The following MINDY3 variants were observed in gnomAD, a reference collection of about 807,000 sequenced individuals.
MINDY3 encodes the protein ubiquitin carboxyl-terminal hydrolase MINDY-3.
MINDY3 carries 38 observed loss-of-function variants against 69.2 expected under a neutral mutation model. The ratio of observed to expected loss-of-function variants is 0.55; its 90% CI spans 0.42 to 0.72. MINDY3 has a LOEUF of 0.72. Ranked by LOEUF, MINDY3 falls within the 30% of genes least tolerant of loss-of-function variation. The probability of loss-of-function intolerance (pLI) is 0.00; values close to 1 mark genes in which losing one functional copy is unlikely to be tolerated. For missense variants in MINDY3, 522 were observed against 519.0 expected (o/e 1.01, Z -0.06); for synonymous variants, 192 against 180.1 (o/e 1.07, Z -0.53).
At chr10:15,798,778 T>G (rs529581508) in intron 10 of MINDY3, among the ~76,000 whole-genome samples, 1 of 119,802 alleles carries the variant, frequency 8.3e-6, no homozygotes, top group Admixed American at 7.8e-5. Context: ...AGACTCTGTC[T>G]CAAAAACAAA....
At chr10:15,857,830 GATCA>G (rs1473217418) in intron 1 of MINDY3, 120 of 514,800 alleles carry the variant, frequency 2.3e-4, no homozygotes, top group Non-Finnish European at 2.7e-4. Flanking sequence ...AATTTAACTT[GATCA>G]ATCAATATAA....
intron 6 of MINDY3, among the ~76,000 whole-genome samples, chr10:15,836,327 T>C (rs1052840053): frequency 1.3e-5 from 2 of 151,968 alleles, no homozygotes; most frequent in Admixed American, 6.6e-5. Flanking sequence ...CTAGAAACAG[T>C]ATGCCCTTGA....
chr10:15,841,067 C>A (rs1833433485), intron 4 of MINDY3, among the ~76,000 whole-genome samples: 1 of 151,162 alleles, frequency 6.6e-6, no homozygotes, highest in African/African-American at 2.4e-5. Flanking sequence ...CTTCTGATGT[C>A]CAAAAAAATC....
intron 10 of MINDY3, among the ~76,000 whole-genome samples, chr10:15,805,372 A>C (rs1209391980): frequency 6.6e-6 from 1 of 152,160 alleles, no homozygotes; most frequent in Non-Finnish European, 1.5e-5. Flanking sequence ...TTAATGTTAC[A>C]TTTTAAAAGG....
intron 9 of MINDY3, among the ~76,000 whole-genome samples, chr10:15,821,073 A>C (rs1839724977): frequency 6.6e-6 from 1 of 152,208 alleles, no homozygotes; most frequent in South Asian, 2.1e-4. Context: ...TACCCATTTC[A>C]GGTTGTTTCA....
chr10:15,787,274 G>C (rs35802848), intron 12 of MINDY3, among the ~76,000 whole-genome samples: 2 of 152,126 alleles, frequency 1.3e-5, no homozygotes, highest in Admixed American at 6.6e-5. Flanking sequence ...TTACAATGCA[G>C]GTGTACCAAG....
chr10:15,813,624 A>G (rs1416723921), intron 10 of MINDY3, among the ~76,000 whole-genome samples: 1 of 152,196 alleles, frequency 6.6e-6, no homozygotes, highest in Non-Finnish European at 1.5e-5. Flanking sequence ...AACACCTGGC[A>G]TAATGCCAGG....
chr10:15,833,472 T>G (rs1203181684), intron 8 of MINDY3, among the ~76,000 whole-genome samples, 158 bp downstream of exon 8: 1 of 152,164 alleles, frequency 6.6e-6, no homozygotes, highest in Non-Finnish European at 1.5e-5. Context: ...TTAATGGTCT[T>G]AACATTATGG....
intron 1 of MINDY3, among the ~76,000 whole-genome samples, chr10:15,859,481 T>C (rs1016476358): frequency 2.5e-4 from 38 of 152,314 alleles, no homozygotes; most frequent in African/African-American, 9.1e-4. Context: ...GCGCCCAGCC[T>C]GTTACAGTGC....
intron 11 of MINDY3, among the ~76,000 whole-genome samples, chr10:15,791,823 G>A (rs531881673): frequency 6.6e-6 from 1 of 152,016 alleles, no homozygotes; most frequent in Non-Finnish European, 1.5e-5. Flanking sequence ...AACCTGAGTT[G>A]GGCTTTCAAA....
At chr10:15,842,046 A>G (rs536354053) in intron 3 of MINDY3, among the ~76,000 whole-genome samples, 1 of 151,806 alleles carries the variant, frequency 6.6e-6, no homozygotes, top group African/African-American at 2.4e-5. Context: ...AGGGATAAGA[A>G]TAATGAGATG....
Position 15,816,906 on chromosome 10 carries a change from A to G in MINDY3, c.811T>C (p.Tyr271His). ...EALRYCKVGS[Y>H]LKSPKFPIWI... ...ATAGGGAATTTTGGAGATTTCAAGT[A>G]AGAACCAACCTAGAACAAATGTAGC... The change falls in exon 10 of 15, where the codon TAC becomes CAC. Residue 271 changes from tyrosine to histidine, a missense_variant. By Grantham distance (83) the Tyr-to-His change is moderately conservative. Coordinates refer to ENST00000277632, the MANE Select transcript of MINDY3 (RefSeq NM_024948.4). 1.9e-6 allele frequency: 3 copies of G among 1,611,886 alleles called. No homozygotes were observed.
chr10:15,808,380 C>T (rs558767647), intron 10 of MINDY3, among the ~76,000 whole-genome samples: 119 of 152,204 alleles, frequency 7.8e-4, no homozygotes, highest in Non-Finnish European at 1.3e-3. Flanking sequence ...GAAGAGTAAA[C>T]GTATAAAGCA....
intron 8 of MINDY3, among the ~76,000 whole-genome samples, chr10:15,831,570 G>A (rs1840458229): frequency 6.6e-6 from 1 of 151,718 alleles, no homozygotes; most frequent in Non-Finnish European, 1.5e-5. Context: ...GAACAAAAAC[G>A]ACATATGTGT....
At chr10:15,846,497 A>G (rs1318696671) in intron 2 of MINDY3, among the ~76,000 whole-genome samples, 2 of 152,190 alleles carry the variant, frequency 1.3e-5, no homozygotes, top group Non-Finnish European at 2.9e-5. Context: ...CATAATTCCA[A>G]GGCAAGATTC....
intron 10 of MINDY3, among the ~76,000 whole-genome samples, chr10:15,806,696 G>T (rs1838661538): frequency 6.6e-6 from 1 of 152,118 alleles, no homozygotes; most frequent in Admixed American, 6.6e-5. Flanking sequence ...ATTCAAGCTG[G>T]TCCTACAGCT....
At chr10:15,818,549 C>A (rs776875965) in intron 9 of MINDY3, among the ~76,000 whole-genome samples, 1 of 152,096 alleles carries the variant, frequency 6.6e-6, no homozygotes, top group African/African-American at 2.4e-5. Flanking sequence ...AAAATTTGTA[C>A]ATCAATGTTT....
In MINDY3 at chr10:15,855,376, A is replaced by G. The variant is rs148488516; in HGVS notation, c.94+4830T>C. On this transcript the variant is annotated intron_variant, in intron 1 of 14. Coordinates refer to ENST00000277632, the MANE Select transcript of MINDY3 (RefSeq NM_024948.4). The stretch of plus-strand genomic sequence containing the variant: ...TTTACTTAAGTTTGAATTTCTCAGG[A>G]CACAGCATTACTTTTCTTCTCAAGA... Among the ~76,000 whole-genome samples the G allele has an allele frequency of 6.2e-4, 95 of 152,234 alleles. 1 individual carries two copies. In the East Asian group the frequency reaches 0.014, roughly 22 times the overall value.
At chr10:15,851,332 T>C (rs1044765605) in intron 1 of MINDY3, among the ~76,000 whole-genome samples, 1 of 152,118 alleles carries the variant, frequency 6.6e-6, no homozygotes, top group Non-Finnish European at 1.5e-5. Context: ...ACTCCAGACA[T>C]AGACAGAGTC....
Sources: gnomAD v4.1 joint callset for allele counts (sites outside exome capture counted in the v4.1 genomes callset) on GRCh38, gnomAD v4.1.1 for gene constraint, MANE v1.5 for transcripts, NCBI Gene and HGNC (gene_info 2026-07-23, HGNC 2026-07-21) for gene names.